COL4A2: variants seen among roughly 807,000 people sequenced by gnomAD.
COL4A2 encodes collagen type IV alpha 2 chain.
Under a neutral mutation model 200.2 loss-of-function variants are expected in COL4A2, and 99 were observed. The ratio of observed to expected loss-of-function variants is 0.49; its 90% CI spans 0.42 to 0.58. COL4A2 has a LOEUF of 0.58. Ranked by LOEUF, COL4A2 falls within the 20% of genes least tolerant of loss-of-function variation. The probability of loss-of-function intolerance (pLI) is 0.00; values close to 1 mark genes in which losing one functional copy is unlikely to be tolerated. For missense variants in COL4A2, 1,950 were observed against 2,314.1 expected, an observed-to-expected ratio of 0.84 and a Z score of 3.23; for synonymous variants, 897 against 900.6, an observed-to-expected ratio of 1.00 and a Z score of 0.07.
At chr13:110,442,087 C>CAA (rs10530153) in intron 16 of COL4A2, among the ~76,000 whole-genome samples, 2,462 of 47,512 alleles carry the variant, frequency 0.052, 589 homozygotes, top group African/African-American at 0.13. Context: ...CTCTCTGTCT[C>CAA]AAAAAAAAAA....
intron 4 of COL4A2, among the ~76,000 whole-genome samples, chr13:110,361,395 C>G (rs920907468): frequency 2.0e-5 from 3 of 152,130 alleles, no homozygotes; most frequent in Non-Finnish European, 4.4e-5. Context: ...CCACAGCTTC[C>G]CCTGGGGTGG....
rs147959668 is a variant in COL4A2 at position 110,328,151 on chromosome 13, C to A, written c.99+20028C>A. 5.3e-5 allele frequency among the ~76,000 whole-genome samples: 8 copies of A among 152,268 alleles called. No individual in the cohort carries two copies. The East Asian group carries it at 5.8e-4, about 11-fold the overall frequency. ...AATATAATCTGTTTAAGAAAAAAAT[C>A]TTCTTAAGGAACTTCTGGGACACTT... On this transcript the variant is annotated intron_variant, in intron 3 of 47. Transcript: ENST00000360467.
At chr13:110,484,831 G>T in intron 32 of COL4A2, 74 bp from the exon 33 acceptor site, 2 of 1,494,550 alleles carry the variant, frequency 1.3e-6, no homozygotes, top group South Asian at 1.4e-5. Context: ...ATGGCTCAGG[G>T]ACCAGGCCTT....
At chr13:110,483,824 C>T (rs1883018946) in intron 32 of COL4A2, among the ~76,000 whole-genome samples, 1 of 152,210 alleles carries the variant, frequency 6.6e-6, no homozygotes, top group Admixed American at 6.5e-5. Flanking sequence ...ATAAAGTGTT[C>T]TCAAGTTAGA....
chr13:110,344,639 A>G (rs989456684), intron 3 of COL4A2, among the ~76,000 whole-genome samples: 4 of 152,302 alleles, frequency 2.6e-5, no homozygotes, highest in African/African-American at 9.6e-5. Context: ...ATGGAACTCT[A>G]TACGAGACCC....
At chr13:110,330,879 C>T (rs972779433) in intron 3 of COL4A2, among the ~76,000 whole-genome samples, 4 of 152,150 alleles carry the variant, frequency 2.6e-5, no homozygotes, top group Middle Eastern at 3.2e-3. Flanking sequence ...TGGTTCCTCT[C>T]TAAATGGTTT....
intron 31 of COL4A2, among the ~76,000 whole-genome samples, chr13:110,482,110 A>G (rs1467900818): frequency 1.3e-5 from 2 of 152,252 alleles, no homozygotes; most frequent in African/African-American, 2.4e-5. Context: ...TGCTGGCGAC[A>G]TTGGTCTGAC....
chr13:110,422,071 A>AT (rs1322261077), intron 4 of COL4A2, among the ~76,000 whole-genome samples: 13 of 152,210 alleles, frequency 8.5e-5, no homozygotes, highest in Admixed American at 3.3e-4. Flanking sequence ...CACTGGATAG[A>AT]TATGTAGTTT....
chr13:110,490,707 G>A (rs369742401), intron 36 of COL4A2, among the ~76,000 whole-genome samples: 6 of 152,282 alleles, frequency 3.9e-5, no homozygotes, highest in Non-Finnish European at 5.9e-5. Context: ...CCATTAGTCC[G>A]GCCATTTGGT....
At chr13:110,328,979 C>A (rs912023927) in intron 3 of COL4A2, among the ~76,000 whole-genome samples, 20 of 152,180 alleles carry the variant, frequency 1.3e-4, no homozygotes, top group Admixed American at 7.2e-4. Context: ...ACCCATTGAG[C>A]TTTGTAGAAC....
At chr13:110,492,277 G>A in intron 38 of COL4A2, 100 bp downstream of exon 38, 2 of 1,021,574 alleles carry the variant, frequency 2.0e-6, no homozygotes, top group Non-Finnish European at 2.9e-6. Flanking sequence ...GACTTCTAAG[G>A]CCCATACGAG....
chr13:110,374,323 C>A (rs1204443896), intron 4 of COL4A2, among the ~76,000 whole-genome samples: 1 of 152,210 alleles, frequency 6.6e-6, no homozygotes, highest in Non-Finnish European at 1.5e-5. Context: ...GAACCAAACT[C>A]TGACCCGAGA....
Position 110,318,385 on chromosome 13 carries a change from A to G in COL4A2, c.99+10262A>G, listed in dbSNP as rs1391423608. Among the ~76,000 whole-genome samples, 5 of 152,306 alleles carry G rather than the reference A, an allele frequency of 3.3e-5. No individual in the cohort carries two copies. The East Asian group carries it at 9.6e-4, about 29-fold the overall frequency. On this transcript the variant is annotated intron_variant, in intron 3 of 47. Transcript: ENST00000360467. ...TTAAATATGTCATCTAGGATTATTC[A>G]TGGTAAGAAAGCAACCTGCAGACGT... is the stretch of plus-strand genomic sequence containing the variant.
chr13:110,475,218 C>G (rs533038360), intron 29 of COL4A2, among the ~76,000 whole-genome samples: 1 of 152,390 alleles, frequency 6.6e-6, no homozygotes, highest in East Asian at 1.9e-4. Context: ...CCTACTGACT[C>G]TCCAGGTCAT....
chr13:110,318,424 G>A (rs1038590796), intron 3 of COL4A2, among the ~76,000 whole-genome samples: 35 of 152,274 alleles, frequency 2.3e-4, no homozygotes, highest in African/African-American at 7.9e-4. Flanking sequence ...CTATTTGAGA[G>A]CCACTTTATT....
chr13:110,503,660 G>C (rs939723430), intron 43 of COL4A2, among the ~76,000 whole-genome samples, 179 bp downstream of exon 43: 2 of 152,162 alleles, frequency 1.3e-5, no homozygotes, highest in African/African-American at 4.8e-5. Flanking sequence ...GGAATGGAGA[G>C]CTTAATATTC....
At chr13:110,451,357 C>T (rs564034030) in intron 20 of COL4A2, among the ~76,000 whole-genome samples, 1 of 152,328 alleles carries the variant, frequency 6.6e-6, no homozygotes, top group African/African-American at 2.4e-5. Context: ...AACATTTTTA[C>T]AATTTTTTGT....
chr13:110,338,836 T>C (rs913812460), intron 3 of COL4A2, among the ~76,000 whole-genome samples: 2 of 152,252 alleles, frequency 1.3e-5, no homozygotes, highest in African/African-American at 4.8e-5. Flanking sequence ...GCTGCTGCCC[T>C]GAGCCGGGAG....
At chr13:110,410,777 TC>T (rs143866954) in intron 4 of COL4A2, among the ~76,000 whole-genome samples, 25 of 152,248 alleles carry the variant, frequency 1.6e-4, no homozygotes, top group Non-Finnish European at 2.9e-4. Context: ...TATTTCCATT[TC>T]CCAAATAAAG....
Sources: allele counts gnomAD v4.1 joint callset (sites outside exome capture counted in the v4.1 genomes callset), GRCh38; gene constraint gnomAD v4.1.1; transcripts MANE v1.5; gene names NCBI Gene and HGNC (gene_info 2026-07-23, HGNC 2026-07-21).